C1QTNF2: variants seen among roughly 807,000 people sequenced by gnomAD.
C1QTNF2 encodes the protein complement C1q tumor necrosis factor-related protein 2.
C1QTNF2 carries 15 observed loss-of-function variants against 17.4 expected under a neutral mutation model. The ratio of observed to expected loss-of-function variants is 0.86; its 90% CI spans 0.58 to 1.33. C1QTNF2 has a LOEUF of 1.33. C1QTNF2 is among the 40% of genes most tolerant of loss of function. C1QTNF2 has a pLI of 0.00. For synonymous variants in C1QTNF2, 154 were observed against 163.3 expected (o/e 0.94, Z 0.44); for missense variants, 381 against 392.3 (o/e 0.97, Z 0.24).
chr5:160,363,773 C>T (rs1208850712), intron 1 of C1QTNF2, among the ~76,000 whole-genome samples: 2 of 152,228 alleles, frequency 1.3e-5, no homozygotes, highest in Non-Finnish European at 2.9e-5. Flanking sequence ...GAAGACAAAG[C>T]CATCAAGCTT....
intron 1 of C1QTNF2, among the ~76,000 whole-genome samples, chr5:160,359,952 C>T (rs1008117608): frequency 2.6e-5 from 4 of 152,132 alleles, no homozygotes; most frequent in Admixed American, 6.5e-5. Context: ...CAGCACCCAC[C>T]CCCCCTACCT....
chr5:160,369,635 C>T (rs1764311982), intron 1 of C1QTNF2, among the ~76,000 whole-genome samples: 1 of 152,174 alleles, frequency 6.6e-6, no homozygotes, highest in Admixed American at 6.5e-5. Context: ...CACAGGGTCT[C>T]TGAGAGATGG....
At chr5:160,358,323 C>T (rs1372742499) in intron 1 of C1QTNF2, among the ~76,000 whole-genome samples, 1 of 152,184 alleles carries the variant, frequency 6.6e-6, no homozygotes, top group Non-Finnish European at 1.5e-5. Context: ...TACAAATAGC[C>T]CTGCTCCCAG....
intron 1 of C1QTNF2, among the ~76,000 whole-genome samples, chr5:160,363,960 G>A (rs1005382188): frequency 6.6e-6 from 1 of 152,118 alleles, no homozygotes; most frequent in Admixed American, 6.5e-5. Context: ...TGGGGGAGTG[G>A]GTGTGAGCAG....
chr5:160,358,546 C>T (rs1380629005), intron 1 of C1QTNF2, among the ~76,000 whole-genome samples: 1 of 151,958 alleles, frequency 6.6e-6, no homozygotes, highest in Non-Finnish European at 1.5e-5. Flanking sequence ...TTACTACAGC[C>T]TTGAACTCTT....
intron 1 of C1QTNF2, among the ~76,000 whole-genome samples, chr5:160,368,530 TC>T (rs1270933982): frequency 4.1e-4 from 49 of 118,108 alleles, no homozygotes; most frequent in African/African-American, 1.8e-3. Context: ...AGACTCCTTC[TC>T]AAAAAAAAAG....
At chr5:160,370,421 T>C in intron 1 of C1QTNF2, 91 bp downstream of exon 1, 18 of 1,350,214 alleles carry the variant, frequency 1.3e-5, no homozygotes, top group Non-Finnish European at 1.7e-5. Flanking sequence ...ACCTTCCGCA[T>C]CCCGCCCCGC....
intron 1 of C1QTNF2, among the ~76,000 whole-genome samples, chr5:160,356,292 C>G (rs765922841): frequency 6.6e-6 from 1 of 152,180 alleles, no homozygotes; most frequent in South Asian, 2.1e-4. Context: ...TTAGGCAAAC[C>G]CTTTTCCCTC....
At chr5:160,368,470 T>C (rs1327797493) in intron 1 of C1QTNF2, among the ~76,000 whole-genome samples, 1 of 151,122 alleles carries the variant, frequency 6.6e-6, no homozygotes, top group Non-Finnish European at 1.5e-5. Flanking sequence ...AGGCGGAGAT[T>C]GCAGTGAGCC....
rs766167769 is a variant in C1QTNF2 at position 160,354,944 on chromosome 5, G to C, written c.68C>G (p.Ala23Gly). 34 of 1,596,020 alleles carry C rather than the reference G, an allele frequency of 2.1e-5. No homozygotes were observed. The highest frequency in any genetic ancestry group is 2.9e-5 in the Non-Finnish European group (34 of 1,171,854). ...GGAGCCTTTCCGGAAGTCCCTGCGA[G>C]CAAAGGCGCCAAGCAGTGGGTCAGC... ...CAADPLLGAF[A>G]RRDFRKGSPQ... Residue 23 changes from alanine (A) to glycine (G), a missense_variant, in exon 2 of 3, where the codon GCT becomes GGT. By Grantham distance (60) the Ala-to-Gly change is moderately conservative (BLOSUM62 0). Transcript: ENST00000652664.
rs560703640 is a variant in C1QTNF2, at chr5:160,365,796, A to C, written c.-10+4716T>G. Among the ~76,000 whole-genome samples, 31 of 152,326 alleles carry C rather than the reference A, an allele frequency of 2.0e-4. No homozygotes were observed. In the South Asian group the frequency reaches 6.2e-3, roughly 31 times the overall value. ...GTTTCACTTGATGTGTGAAATCTGA[A>C]ATAACCCCAATTTTCCCAAGTTAAA... On this transcript the variant is annotated intron_variant, in intron 1 of 2. Coordinates refer to ENST00000652664, the MANE Select transcript of C1QTNF2 (RefSeq NM_031908.6).
intron 1 of C1QTNF2, among the ~76,000 whole-genome samples, chr5:160,355,547 G>A (rs1037386271): frequency 6.6e-6 from 1 of 152,160 alleles, no homozygotes; most frequent in Non-Finnish European, 1.5e-5. Flanking sequence ...ACCCTGGCAG[G>A]CCGTGGTAGC....
At chr5:160,366,439 A>T (rs1004715430) in intron 1 of C1QTNF2, among the ~76,000 whole-genome samples, 1 of 152,188 alleles carries the variant, frequency 6.6e-6, no homozygotes, top group Non-Finnish European at 1.5e-5. Flanking sequence ...TCATGGGAGA[A>T]GGTTGCCACA....
intron 1 of C1QTNF2, among the ~76,000 whole-genome samples, chr5:160,370,251 G>C (rs983615445): frequency 6.6e-6 from 1 of 152,208 alleles, no homozygotes; most frequent in African/African-American, 2.4e-5. Context: ...GCAGAGCTAC[G>C]GGTGTTACTA....
At chr5:160,366,541 G>T (rs991640100) in intron 1 of C1QTNF2, among the ~76,000 whole-genome samples, 1 of 152,192 alleles carries the variant, frequency 6.6e-6, no homozygotes, top group Non-Finnish European at 1.5e-5. Flanking sequence ...CAGTGACCCC[G>T]TGAGGAGCTG....
intron 1 of C1QTNF2, among the ~76,000 whole-genome samples, chr5:160,368,796 A>AG (rs1491424219): frequency 7.5e-6 from 1 of 133,002 alleles, no homozygotes. Flanking sequence ...ATAGCGAGAC[A>AG]GGGGGGAGGA....
rs771638147 is a variant in C1QTNF2, at chr5:160,349,543, T to C, written c.483A>G (p.Pro161=). 6.2e-7 allele frequency: 1 copy of C among 1,613,448 alleles called. No homozygotes were observed. Among genetic ancestry groups the C allele is most frequent in the Non-Finnish European group, 8.5e-7 (1 of 1,179,886 alleles). The part of the protein sequence containing the change: ...AFSVAVTKSY[P]RERLPIKFDK... Reference sequence around the variant, plus strand: ...CAAACTTGATGGGCAGCCGCTCCCGTGGGTAGCTCTTGGTCACTGCCACCG... The same window carrying C: ...CAAACTTGATGGGCAGCCGCTCCCGCGGGTAGCTCTTGGTCACTGCCACCG... Residue 161 remains proline (P), a synonymous_variant, in exon 3 of 3, where the codon CCA becomes CCG. Coordinates refer to ENST00000652664, the MANE Select transcript of C1QTNF2 (RefSeq NM_031908.6). This position sits in a 1 kb window ranked among gnomAD's most constrained non-coding sequence, Gnocchi z 4.3.
chr5:160,352,368 T>G (rs1221115267), intron 2 of C1QTNF2, among the ~76,000 whole-genome samples: 2 of 152,014 alleles, frequency 1.3e-5, no homozygotes, highest in East Asian at 3.8e-4. Context: ...TTTCTGGAGG[T>G]GAATTTGTAT....
chr5:160,349,496 C>G lies in C1QTNF2; in HGVS notation c.530G>C (p.Gly177Ala), dbSNP rs757318511. The change falls in exon 3 of 3, where the codon GGT becomes GCT. Residue 177 changes from glycine (G) to alanine (A), a missense_variant. Coordinates refer to ENST00000652664, the MANE Select transcript of C1QTNF2 (RefSeq NM_031908.6). This position sits in a 1 kb window ranked among gnomAD's most constrained non-coding sequence, Gnocchi z 4.3. ...GCCGCTGGAAGCATTGTAGTGGCCACCCTCGTTCATCAGAATCTTGTCAAA... is the reference window on the plus strand; with the variant it reads ...GCCGCTGGAAGCATTGTAGTGGCCAGCCTCGTTCATCAGAATCTTGTCAAA... ...IKFDKILMNE[G>A]GHYNASSGKF... is the part of the protein sequence containing the mutation. 6.2e-7 allele frequency: 1 copy of G among 1,614,008 alleles called. No homozygotes were observed. The highest frequency in any genetic ancestry group is 1.7e-5 in the Admixed American group (1 of 60,016).
Sources: gnomAD v4.1 joint callset for allele counts (sites outside exome capture counted in the v4.1 genomes callset) on GRCh38, gnomAD v4.1.1 for gene constraint, Gnocchi (gnomAD v3.1) non-coding constraint, MANE v1.5 for transcripts, NCBI Gene and HGNC (gene_info 2026-07-23, HGNC 2026-07-21) for gene names.